Variants in CCDC146 observed in about 807,000 individuals in gnomAD.
The protein encoded by CCDC146 is coiled-coil domain containing 146, also known as coiled-coil domain-containing protein 146.
Under a neutral mutation model 119.3 loss-of-function variants are expected in CCDC146, and 92 were observed. The observed-to-expected ratio is 0.77, with a 90% confidence interval of 0.65 to 0.92. CCDC146 has a LOEUF of 0.92. CCDC146 is among the 40% of genes least tolerant of loss of function. The pLI is 0.00. For synonymous variants in CCDC146, 372 were observed against 371.8 expected (o/e 1.00, Z -0.01); for missense variants, 1,000 against 1,103.0 (o/e 0.91, Z 1.32).
At chr7:77,292,595 C>T (rs1793968551) in intron 17 of CCDC146, among the ~76,000 whole-genome samples, 2 of 138,396 alleles carry the variant, frequency 1.4e-5, no homozygotes, top group South Asian at 2.3e-4. Flanking sequence ...CCAGCCAGGG[C>T]GACAGAGCGA....
chr7:77,248,019 A>G (rs1382054781), intron 4 of CCDC146, among the ~76,000 whole-genome samples: 1 of 152,248 alleles, frequency 6.6e-6, no homozygotes, highest in Non-Finnish European at 1.5e-5. Flanking sequence ...TAGCAAAGAT[A>G]AGGCATCAAC....
chr7:77,262,910 G>A (rs957091982), intron 9 of CCDC146, among the ~76,000 whole-genome samples: 1 of 152,196 alleles, frequency 6.6e-6, no homozygotes, highest in Non-Finnish European at 1.5e-5. Flanking sequence ...ACTCCCTGTG[G>A]TAAATGACCA....
At chr7:77,234,510 G>A (rs761270192) in intron 2 of CCDC146, among the ~76,000 whole-genome samples, 2 of 152,166 alleles carry the variant, frequency 1.3e-5, no homozygotes, top group Non-Finnish European at 2.9e-5. Flanking sequence ...CAAGGCGGGT[G>A]GGTTGCCTGA....
chr7:77,286,564 G>A (rs1221004014), intron 15 of CCDC146, among the ~76,000 whole-genome samples: 2 of 152,136 alleles, frequency 1.3e-5, no homozygotes, highest in Non-Finnish European at 2.9e-5. Context: ...TGACCCAGAA[G>A]GCACTGCCTC....
At chr7:77,195,955 C>T in intron 2 of CCDC146, 1 of 227,634 alleles carries the variant, frequency 4.4e-6, no homozygotes, top group East Asian at 1.0e-4. Flanking sequence ...CCACACCCAG[C>T]CAACAATTAT....
intron 2 of CCDC146, among the ~76,000 whole-genome samples, chr7:77,233,086 TTTTG>T (rs1792663500): frequency 1.2e-5 from 1 of 85,484 alleles, no homozygotes; most frequent in African/African-American, 4.0e-5. Flanking sequence ...CTTTTGTTTC[TTTTG>T]TTTGTTTTTT....
intron 1 of CCDC146, among the ~76,000 whole-genome samples, chr7:77,152,484 C>T (rs1791121247): frequency 6.6e-6 from 1 of 152,206 alleles, no homozygotes; most frequent in Non-Finnish European, 1.5e-5. Flanking sequence ...GGAGAGGGAA[C>T]TTTGCCTACT....
chr7:77,170,071 C>T (rs928605056), intron 2 of CCDC146, among the ~76,000 whole-genome samples: 8 of 152,156 alleles, frequency 5.3e-5, no homozygotes, highest in Admixed American at 1.3e-4. Context: ...GGGCATATTG[C>T]ATCCAGGTGG....
intron 1 of CCDC146, among the ~76,000 whole-genome samples, chr7:77,148,520 C>T (rs527794534): frequency 6.6e-6 from 1 of 152,138 alleles, no homozygotes; most frequent in East Asian, 1.9e-4. Flanking sequence ...GAGCTGTAGA[C>T]TGCAGCTGTT....
At chr7:77,275,034 A>C (rs1031908527) in intron 11 of CCDC146, among the ~76,000 whole-genome samples, 1 of 149,698 alleles carries the variant, frequency 6.7e-6, no homozygotes, top group Admixed American at 6.7e-5. Flanking sequence ...TAATAAAAAT[A>C]TATAAATATT....
Position 77,295,193 on chromosome 7 carries a change from G to T in CCDC146, c.*327G>T. The T allele has an allele frequency of 4.6e-6, 1 of 216,902 alleles. No homozygotes were observed. Among genetic ancestry groups the T allele is most frequent in the Admixed American group, 5.3e-5 (1 of 18,948 alleles). 13.4% of individuals were successfully genotyped at this position (216,902 alleles called of 1,614,324 possible). On this transcript the variant is annotated 3_prime_UTR_variant, in exon 19 of 19. Transcript: ENST00000285871. The stretch of plus-strand genomic sequence containing the variant: ...ATAAAAATGCACTAAAAATAAATCT[G>T]TTCTCAATGAAGTACGGAAATGGAC...
intron 3 of CCDC146, among the ~76,000 whole-genome samples, chr7:77,240,288 G>A (rs755710100): frequency 4.6e-5 from 7 of 152,194 alleles, no homozygotes; most frequent in South Asian, 2.1e-4. Flanking sequence ...GGACACCAGC[G>A]GTAGTACTTG....
At chr7:77,216,734 A>G in intron 2 of CCDC146, among the ~76,000 whole-genome samples, 1 of 152,164 alleles carries the variant, frequency 6.6e-6, no homozygotes, top group East Asian at 1.9e-4. Context: ...TGCTAAAATA[A>G]TTGCTGGGAA....
chr7:77,147,905 C>A (rs563027762), intron 1 of CCDC146, among the ~76,000 whole-genome samples: 1,669 of 152,326 alleles, frequency 0.011, 23 homozygotes, highest in African/African-American at 0.038. Context: ...TCTCAAACTC[C>A]ATGCTGGGAG....
In CCDC146 at chr7:77,260,141, A is replaced by G; in HGVS notation, c.891A>G (p.Lys297=). 4 of 1,614,144 alleles carry G rather than the reference A, an allele frequency of 2.5e-6. No individual in the cohort carries two copies. The highest frequency in any genetic ancestry group is 3.4e-6 in the Non-Finnish European group (4 of 1,180,024). Residue 297 remains lysine, a synonymous_variant, in exon 8 of 19, where the codon AAA becomes AAG. Transcript: ENST00000285871. ...ATGTAATAAAGGAAGTTGAAGGCAA[A>G]CGAGCCTTACTTGAAATCAAAGAAC... ...KENVIKEVEG[K]RALLEIKERE...
chr7:77,159,262 A>C (rs1584032029), intron 1 of CCDC146, among the ~76,000 whole-genome samples: 1 of 152,164 alleles, frequency 6.6e-6, no homozygotes, highest in East Asian at 1.9e-4. Flanking sequence ...AAACTTATTT[A>C]TCTTGCATAG....
intron 2 of CCDC146, among the ~76,000 whole-genome samples, chr7:77,184,173 C>T (rs1038050741): frequency 3.9e-5 from 6 of 152,172 alleles, no homozygotes; most frequent in Admixed American, 3.9e-4. Flanking sequence ...GAAATGAAAC[C>T]TCATGATACA....
chr7:77,184,357 C>A (rs1791632701), intron 2 of CCDC146, among the ~76,000 whole-genome samples: 1 of 152,170 alleles, frequency 6.6e-6, no homozygotes, highest in Non-Finnish European at 1.5e-5. Context: ...TAAATACCAA[C>A]CCTGCTTTCA....
intron 6 of CCDC146, among the ~76,000 whole-genome samples, chr7:77,256,996 C>T (rs1793192841): frequency 6.6e-6 from 1 of 152,130 alleles, no homozygotes; most frequent in African/African-American, 2.4e-5. Flanking sequence ...ATCCCAGCTA[C>T]TTGGGAGGCT....
Sources: allele counts gnomAD v4.1 joint callset (sites outside exome capture counted in the v4.1 genomes callset), GRCh38; gene constraint gnomAD v4.1.1; transcripts MANE v1.5; gene names NCBI Gene and HGNC (gene_info 2026-07-23, HGNC 2026-07-21).